Variants in BTBD7 observed in about 807,000 individuals in gnomAD.
BTBD7 encodes BTB/POZ domain-containing protein 7.
Under a neutral mutation model 99.9 loss-of-function variants are expected in BTBD7, and 38 were observed. The observed-to-expected ratio is 0.38, with a 90% CI of 0.29 to 0.50. BTBD7 has a LOEUF of 0.50. Among genes scored for constraint, BTBD7 ranks in the 20% least tolerant of loss-of-function variants. The probability of loss-of-function intolerance (pLI) is 0.93; values close to 1 mark genes in which losing one functional copy is unlikely to be tolerated. For missense variants in BTBD7, 1,170 were observed against 1,394.6 expected (o/e 0.84, Z 2.57); for synonymous variants, 520 against 511.4 (o/e 1.02, Z -0.23).
Position 93,294,100 on chromosome 14 carries a change from A to C in BTBD7, c.920T>G (p.Leu307Trp). 6.2e-7 allele frequency: 1 copy of C among 1,614,108 alleles called. No homozygotes were observed. The highest frequency in any genetic ancestry group is 8.5e-7 in the Non-Finnish European group (1 of 1,180,002). ...TAATATAATTCTTGTGGGAGTCCTC[A>C]AAGTTCGGTCTGTGATTTCTTCACC... ...RTGEEITDRT[L>W]RTPTRIILDE... The change falls in exon 3 of 11, where the codon TTG becomes TGG. Residue 307 changes from leucine (L) to tryptophan (W), a missense_variant. By Grantham distance (61) the Leu-to-Trp change is moderately conservative. This residue lies in a region of BTBD7 where 359 missense variants were observed against 497.9 expected (regional missense o/e 0.72). Coordinates refer to ENST00000334746, the MANE Select transcript of BTBD7 (RefSeq NM_001002860.4).
chr14:93,294,975 C>G (rs1454671512), intron 2 of BTBD7, 38 bp from the exon 3 acceptor site: 4 of 1,488,672 alleles, frequency 2.7e-6, no homozygotes. Flanking sequence ...TTTATTTTTT[C>G]TTAACATTCA....
At chr14:93,329,392 G>A (rs1225699428) in intron 1 of BTBD7, among the ~76,000 whole-genome samples, 1 of 152,060 alleles carries the variant, frequency 6.6e-6, no homozygotes, top group Admixed American at 6.6e-5. Flanking sequence ...TATTGGTGAA[G>A]ATGTAGAGAA....
At chr14:93,246,516 C>T (rs2052313589) in intron 9 of BTBD7, among the ~76,000 whole-genome samples, 3 of 152,210 alleles carry the variant, frequency 2.0e-5, no homozygotes, top group African/African-American at 7.2e-5. Context: ...GCTGCTTGAT[C>T]GAATGCTCCT....
chr14:93,251,321 G>A (rs78353876), intron 8 of BTBD7, 142 bp downstream of exon 8: 20 of 924,532 alleles, frequency 2.2e-5, no homozygotes, highest in Non-Finnish European at 2.9e-5. Flanking sequence ...GCTTAAAAGT[G>A]TTTATTCTTT....
chr14:93,274,611 G>A (rs1426854731), intron 3 of BTBD7, among the ~76,000 whole-genome samples: 2 of 152,114 alleles, frequency 1.3e-5, no homozygotes, highest in Non-Finnish European at 2.9e-5. Flanking sequence ...CCACAGCAGT[G>A]ATCAGCTCAG....
Position 93,303,267 on chromosome 14 carries a change from A to G in BTBD7, c.-106-7110T>C, listed in dbSNP as rs529736071. Among the ~76,000 whole-genome samples the G allele has an allele frequency of 2.6e-5, 4 of 152,342 alleles. No homozygotes were observed. In the East Asian group the frequency reaches 7.7e-4, roughly 29 times the overall value. Reference sequence around the variant, plus strand: ...GCTTTATTTCTAAAATGGGGGCAATATAATAACACCTACTTTACAAGGTTG... The same window carrying G: ...GCTTTATTTCTAAAATGGGGGCAATGTAATAACACCTACTTTACAAGGTTG... On this transcript the variant is annotated intron_variant, in intron 1 of 10. Coordinates refer to ENST00000334746, the MANE Select transcript of BTBD7 (RefSeq NM_001002860.4).
rs1020781822 is a variant in BTBD7 at position 93,242,398 on chromosome 14, C to G, written c.3274G>C (p.Ala1092Pro). 8 of 1,614,196 alleles carry G rather than the reference C, an allele frequency of 5.0e-6. No homozygotes were observed. The highest frequency in any genetic ancestry group is 6.8e-6 in the Non-Finnish European group (8 of 1,180,030). Reference protein sequence around the residue: ...APEERSGRRLADSESLGHGAQ... With the variant: ...APEERSGRRLPDSESLGHGAQ... ...CCATGGCCCAGGGACTCACTGTCTG[C>G]CAGTCTTCTACCGGATCTCTCTTCG... is the stretch of plus-strand genomic sequence containing the variant. The change falls in exon 11 of 11, where the codon GCA becomes CCA. Residue 1092 changes from alanine to proline, a missense_variant. Ala to Pro is a conservative substitution (Grantham distance 27). Around this residue, in one of 4 missense-constraint regions of BTBD7, gnomAD observed 495 missense variants for 525.9 expected, o/e 0.94. Coordinates refer to ENST00000334746, the MANE Select transcript of BTBD7 (RefSeq NM_001002860.4).
intron 2 of BTBD7, among the ~76,000 whole-genome samples, chr14:93,295,226 T>C (rs1403497127): frequency 1.3e-5 from 2 of 152,104 alleles, no homozygotes; most frequent in Non-Finnish European, 2.9e-5. Flanking sequence ...CTCCCCAACC[T>C]CAGCTTCCCA....
intron 5 of BTBD7, among the ~76,000 whole-genome samples, chr14:93,259,551 T>C (rs1486727407): frequency 6.6e-6 from 1 of 152,218 alleles, no homozygotes; most frequent in Non-Finnish European, 1.5e-5. Context: ...ATCACCAGTA[T>C]TGATTTTGGG....
At chr14:93,290,041 G>A (rs996544314) in intron 3 of BTBD7, among the ~76,000 whole-genome samples, 1 of 151,416 alleles carries the variant, frequency 6.6e-6, no homozygotes, top group Non-Finnish European at 1.5e-5. Context: ...AGTTAGAGAC[G>A]GGGGTTTCAC....
intron 3 of BTBD7, among the ~76,000 whole-genome samples, chr14:93,292,435 C>A (rs1429940418): frequency 6.6e-6 from 1 of 151,924 alleles, no homozygotes; most frequent in Non-Finnish European, 1.5e-5. Flanking sequence ...AGTTTGACAT[C>A]TAAATAGTCT....
chr14:93,316,266 A>C (rs879399383), intron 1 of BTBD7, among the ~76,000 whole-genome samples: 3 of 106,184 alleles, frequency 2.8e-5, no homozygotes, highest in Non-Finnish European at 5.6e-5. Context: ...TTTTTTTTTT[A>C]ATTTTTTTTA....
intron 1 of BTBD7, among the ~76,000 whole-genome samples, chr14:93,298,243 A>G (rs1219651035): frequency 6.6e-6 from 1 of 152,300 alleles, no homozygotes; most frequent in South Asian, 2.1e-4. Flanking sequence ...CACATATGGA[A>G]TTATTTTCAT....
intron 10 of BTBD7, among the ~76,000 whole-genome samples, chr14:93,245,161 CAA>C (rs11365837): frequency 0.18 from 22,819 of 130,080 alleles, 2,116 homozygotes; most frequent in African/African-American, 0.3. Context: ...GGCACCTGGC[CAA>C]AAAAAAAAAA....
At chr14:93,307,874 T>C (rs575458418) in intron 1 of BTBD7, among the ~76,000 whole-genome samples, 100 of 152,314 alleles carry the variant, frequency 6.6e-4, no homozygotes, top group African/African-American at 2.4e-3. Flanking sequence ...TGAATGAAAT[T>C]AGTTTTAAAA....
intron 3 of BTBD7, among the ~76,000 whole-genome samples, chr14:93,273,466 T>C (rs2052621004): frequency 6.6e-6 from 1 of 152,192 alleles, no homozygotes. Flanking sequence ...CCAGACTTAA[T>C]TTAAAAGATA....
chr14:93,324,660 T>A (rs1316195695), intron 1 of BTBD7, among the ~76,000 whole-genome samples: 3 of 152,192 alleles, frequency 2.0e-5, no homozygotes, highest in Non-Finnish European at 4.4e-5. Flanking sequence ...AGGGGCCTTG[T>A]GTTCCCTTGT....
At chr14:93,287,689 CCT>C (rs61311308) in intron 3 of BTBD7, 45 of 152,290 alleles carry the variant, frequency 3.0e-4, no homozygotes, top group African/African-American at 1.0e-3. Flanking sequence ...TTCCGAGACA[CCT>C]CTTTCCTTGG....
Position 93,245,881 on chromosome 14 carries a change from C to T in BTBD7, c.2527G>A (p.Ala843Thr), listed in dbSNP as rs775861811. Reference protein sequence around the residue: ...LGRQTVAAAAATTTSTATAAA... With the variant: ...LGRQTVAAAATTTTSTATAAA... ...GCTGTTGCTGTTGAGGTGGTGGTGG[C>T]GGCAGCAGCAGCCACCGTCTGTCTG... is the stretch of plus-strand genomic sequence containing the variant. The change falls in exon 10 of 11, where the codon GCC becomes ACC. Residue 843 changes from alanine to threonine, a missense_variant. Around this residue, in one of 4 missense-constraint regions of BTBD7, gnomAD observed 495 missense variants for 525.9 expected, o/e 0.94. Transcript: ENST00000334746. The T allele has an allele frequency of 5.6e-6, 9 of 1,612,774 alleles. No homozygotes were observed. Among genetic ancestry groups the T allele is most frequent in the Middle Eastern group, 1.7e-4 (1 of 6,050 alleles).
Sources: gnomAD v4.1 joint callset for allele counts (sites outside exome capture counted in the v4.1 genomes callset) on GRCh38, gnomAD v4.1.1 for gene constraint, gnomAD v4.1.1 regional missense constraint, MANE v1.5 for transcripts, NCBI Gene and HGNC (gene_info 2026-07-23, HGNC 2026-07-21) for gene names.